ITPKB: variants seen among roughly 807,000 people sequenced by gnomAD.
ITPKB encodes the protein inositol-trisphosphate 3-kinase B.
In ITPKB, 13 loss-of-function variants were observed where a neutral mutation model predicts 69.4. That is an observed-to-expected ratio of 0.19 (90% confidence interval 0.12 to 0.30). The LOEUF is 0.30. Among genes scored for constraint, ITPKB ranks in the 10% least tolerant of loss-of-function variants. The pLI, the probability that ITPKB is intolerant of heterozygous loss-of-function variation, is 1.00. For synonymous variants in ITPKB, 584 were observed against 513.7 expected (o/e 1.14, Z -1.85); for missense variants, 1,240 against 1,250.5 (o/e 0.99, Z 0.13).
chr1:226,670,569 G>A (rs989811850), intron 2 of ITPKB, among the ~76,000 whole-genome samples: 1 of 152,240 alleles, frequency 6.6e-6, no homozygotes, highest in Admixed American at 6.5e-5. Flanking sequence ...AGAAAGAAAC[G>A]TGGAAAATGT....
chr1:226,654,226 G>C (rs918359418), intron 2 of ITPKB, among the ~76,000 whole-genome samples: 1 of 152,076 alleles, frequency 6.6e-6, no homozygotes, highest in Non-Finnish European at 1.5e-5. Flanking sequence ...TGTAGTGGGA[G>C]GGAAAAAATC....
chr1:226,716,545 A>G (rs1221126299), intron 2 of ITPKB, among the ~76,000 whole-genome samples: 1 of 152,180 alleles, frequency 6.6e-6, no homozygotes, highest in Non-Finnish European at 1.5e-5. Flanking sequence ...TGCATTAGCT[A>G]TTTATCCTGA....
chr1:226,709,159 C>G (rs1015429795), intron 2 of ITPKB, among the ~76,000 whole-genome samples: 7 of 152,232 alleles, frequency 4.6e-5, no homozygotes, highest in East Asian at 1.9e-4. Context: ...ACAAAACTGC[C>G]TTCTGGGTTA....
At chr1:226,730,085 T>C (rs2102649554) in intron 2 of ITPKB, among the ~76,000 whole-genome samples, 1 of 152,208 alleles carries the variant, frequency 6.6e-6, no homozygotes, top group Admixed American at 6.5e-5. Context: ...AGTGAGAAAA[T>C]GAAGAGCTGT....
rs571551568 is a variant in ITPKB at position 226,682,783 on chromosome 1, T to C, written c.1933-34012A>G. 4.6e-5 allele frequency among the ~76,000 whole-genome samples: 7 copies of C among 152,280 alleles called. No homozygotes were observed. In the South Asian group the frequency reaches 1.2e-3, roughly 27 times the overall value. On this transcript the variant is annotated intron_variant, in intron 2 of 7. Transcript: ENST00000429204. Reference sequence around the variant, plus strand: ...AAGATAAAAGAAGCTGAAAGTGGTATAGGAGACAGGCAGGGCAGCCACTCC... The same window carrying C: ...AAGATAAAAGAAGCTGAAAGTGGTACAGGAGACAGGCAGGGCAGCCACTCC...
intron 2 of ITPKB, among the ~76,000 whole-genome samples, chr1:226,650,569 G>A (rs569838422): frequency 5.3e-5 from 8 of 152,240 alleles, no homozygotes; most frequent in Non-Finnish European, 1.0e-4. Flanking sequence ...CACAAGATGA[G>A]CCCAGCAGTG....
rs564862674 is a variant in ITPKB at position 226,657,682 on chromosome 1, C to T, written c.1933-8911G>A. ...AATAGCTCAGGTAACTCTCACAACA[C>T]TGATATTGTTGTCTCCATTTTGCAA... On this transcript the variant is annotated intron_variant, in intron 2 of 7. Coordinates refer to ENST00000429204, the MANE Select transcript of ITPKB (RefSeq NM_002221.4). Among the ~76,000 whole-genome samples the T allele has an allele frequency of 7.0e-4, 107 of 152,306 alleles. 1 individual carries two copies. Among genetic ancestry groups the T allele is most frequent in the African/African-American group, 2.0e-3 (84 of 41,556 alleles).
intron 2 of ITPKB, among the ~76,000 whole-genome samples, chr1:226,670,222 A>G (rs764120216): frequency 3.2e-4 from 47 of 147,386 alleles, no homozygotes; most frequent in East Asian, 6.1e-4. Flanking sequence ...AGTGAATCCT[A>G]GTGTTGGTGA....
At chr1:226,638,036 G>C (rs906781890) in intron 6 of ITPKB, among the ~76,000 whole-genome samples, 2 of 152,216 alleles carry the variant, frequency 1.3e-5, no homozygotes, top group Admixed American at 6.5e-5. Context: ...GCTGGCCTTG[G>C]GGGGTGCCCC....
rs1300077520 is a variant in ITPKB at position 226,637,950 on chromosome 1, C to A, written c.2554-200G>T. Among the ~76,000 whole-genome samples, 1 of 152,216 alleles carries A rather than the reference C, an allele frequency of 6.6e-6. No individual in the cohort carries two copies. The highest frequency in any genetic ancestry group is 2.4e-5 in the African/African-American group (1 of 41,450). Reference sequence around the variant, plus strand: ...TCAGTACCTTTGACTTTTGAAAGGACAGGGTAAGAGAGAGAACCACAAATA... The same window carrying A: ...TCAGTACCTTTGACTTTTGAAAGGAAAGGGTAAGAGAGAGAACCACAAATA... On this transcript the variant is annotated intron_variant, in intron 6 of 7. Coordinates refer to ENST00000429204, the MANE Select transcript of ITPKB (RefSeq NM_002221.4). This position sits in a 1 kb window ranked among gnomAD's most constrained non-coding sequence, Gnocchi z 4.3.
Position 226,637,810 on chromosome 1 carries a change from C to T in ITPKB, c.2554-60G>A. The T allele has an allele frequency of 7.8e-7, 1 of 1,286,622 alleles. No individual in the cohort carries two copies. The highest frequency in any genetic ancestry group is 1.1e-6 in the Non-Finnish European group (1 of 890,806). The allele number at this position is 1,286,622 out of a possible 1,614,324, so 79.7% of individuals were successfully genotyped here. ...CGCGTGGGGAAGGGCAGTGTCAGAA[C>T]ACCCATGCGGCCTCTAGTGGTCCCT... On this transcript the variant is annotated intron_variant, in intron 6 of 7. Transcript: ENST00000429204. The surrounding 1 kb of genome is among the most constrained non-coding windows in gnomAD (Gnocchi z 4.3).
chr1:226,730,587 T>G (rs1455872967), intron 2 of ITPKB, among the ~76,000 whole-genome samples: 1 of 152,214 alleles, frequency 6.6e-6, no homozygotes, highest in Non-Finnish European at 1.5e-5. Flanking sequence ...GAGGCTGCGA[T>G]CACAACATGC....
chr1:226,735,479 C>T (rs1657717479), intron 2 of ITPKB, 48 bp downstream of exon 2: 1 of 1,452,132 alleles, frequency 6.9e-7, no homozygotes, highest in South Asian at 1.6e-5. Context: ...CATCAAAAGT[C>T]TGCTGAAATC....
At chr1:226,733,634 C>T (rs1347726392) in intron 2 of ITPKB, among the ~76,000 whole-genome samples, 3 of 152,228 alleles carry the variant, frequency 2.0e-5, no homozygotes, top group African/African-American at 4.8e-5. Context: ...AGAGCAAAGC[C>T]GGCAGGGGAT....
At chr1:226,655,757 T>C (rs1558075421) in intron 2 of ITPKB, among the ~76,000 whole-genome samples, 2 of 152,234 alleles carry the variant, frequency 1.3e-5, no homozygotes, top group African/African-American at 4.8e-5. Context: ...TCCTGTCTTC[T>C]TTCCAGCCAA....
Position 226,708,030 on chromosome 1 carries a change from T to G in ITPKB, c.1932+27497A>C, listed in dbSNP as rs548623655. 3 of 438,314 alleles carry G rather than the reference T, an allele frequency of 6.8e-6. No homozygotes were observed. The East Asian group carries it at 2.6e-4, about 38-fold the overall frequency. 27.2% of individuals were successfully genotyped at this position (438,314 alleles called of 1,614,324 possible). A position where few individuals can be genotyped will look rare whatever the true frequency, so the allele number is the denominator to read the frequency against. ...AAAGGTAGGAGTAAGATGATGTAAA[T>G]GATGTAGTAGCTCAAAGTTCACACT... On this transcript the variant is annotated intron_variant, in intron 2 of 7. Transcript: ENST00000429204.
intron 2 of ITPKB, among the ~76,000 whole-genome samples, chr1:226,679,778 A>G (rs909723508): frequency 1.2e-4 from 18 of 152,330 alleles, no homozygotes; most frequent in Admixed American, 1.1e-3. Context: ...TGTAATGGAC[A>G]TGTCACAGTT....
At chr1:226,708,342 T>C (rs993651527) in intron 2 of ITPKB, among the ~76,000 whole-genome samples, 5 of 152,184 alleles carry the variant, frequency 3.3e-5, no homozygotes, top group African/African-American at 1.2e-4. Context: ...CTCAAACCGT[T>C]GGTAGAATAA....
Position 226,736,357 on chromosome 1 carries a change from G to T in ITPKB, c.1102C>A (p.Pro368Thr). The T allele has an allele frequency of 1.9e-6, 3 of 1,612,522 alleles. No homozygotes were observed. Among genetic ancestry groups the T allele is most frequent in the South Asian group, 1.1e-5 (1 of 91,060 alleles). Residue 368 changes from proline (P) to threonine (T), a missense_variant, in exon 2 of 8, where the codon CCC becomes ACC. This residue lies in a region of ITPKB where 992 missense variants were observed against 853.8 expected (regional missense o/e 1.16). Coordinates refer to ENST00000429204, the MANE Select transcript of ITPKB (RefSeq NM_002221.4). ...TATCCTTTCCCCATCTTCCCAGGGG[G>T]TTCTCCATCGCGGGGCCCGCCCCTT... ...PERGGPRDGE[P>T]PGKMGKGYLP... is the part of the protein sequence containing the mutation.
Sources: gnomAD v4.1 joint callset for allele counts (sites outside exome capture counted in the v4.1 genomes callset) on GRCh38, gnomAD v4.1.1 for gene constraint, gnomAD v4.1.1 regional missense constraint, Gnocchi (gnomAD v3.1) non-coding constraint, MANE v1.5 for transcripts, NCBI Gene and HGNC (gene_info 2026-07-23, HGNC 2026-07-21) for gene names.